Variants in C16orf92 observed in about 807,000 individuals in gnomAD.
The protein encoded by C16orf92 is fertilization-influencing membrane protein.
A neutral mutation model predicts 13.7 loss-of-function variants in C16orf92; 14 were observed. The ratio of observed to expected loss-of-function variants is 1.02; its 90% CI spans 0.67 to 1.60. The LOEUF (loss-of-function observed/expected upper bound fraction) is 1.60. C16orf92 is among the 40% of genes most tolerant of loss of function. The pLI is 0.00. For missense variants in C16orf92, 116 were observed against 139.0 expected (o/e 0.83, Z 0.83); for synonymous variants, 50 against 57.4 (o/e 0.87, Z 0.58).
At chr16:30,024,112 C>G in intron 3 of C16orf92, 26 bp downstream of exon 3, 1 of 1,609,190 alleles carries the variant, frequency 6.2e-7, no homozygotes, top group East Asian at 2.2e-5. Context: ...TTTCTCCAAC[C>G]CCACCCACCA....
chr16:30,026,804 G>A, downstream of C16orf92: 1 of 1,614,170 alleles, frequency 6.2e-7, no homozygotes, highest in Non-Finnish European at 8.5e-7. Context: ...AGATGAAGTA[G>A]GGCACAGCAA....
rs372283454 is a variant in C16orf92 at position 30,024,075 on chromosome 16, C to A, written c.300C>A (p.Phe100Leu). The A allele has an allele frequency of 1.5e-5, 25 of 1,613,358 alleles. No homozygotes were observed. In the East Asian group the frequency reaches 3.1e-4, roughly 20 times the overall value. The change falls in exon 3 of 4, where the codon TTC (phenylalanine) becomes TTA (leucine). Residue 100 changes from phenylalanine to leucine, a missense_variant. Transcript: ENST00000681219. ...VVAFFFLLFQFCTHINFQKGA is the reference protein window; with the variant it reads ...VVAFFFLLFQLCTHINFQKGA ...CGTTCTTCTTTCTCCTTTTCCAGTTCTGCACCCACATGTAAGGCCTGCCCC... is the reference window on the plus strand; with the variant it reads ...CGTTCTTCTTTCTCCTTTTCCAGTTATGCACCCACATGTAAGGCCTGCCCC...
downstream of C16orf92, chr16:30,026,734 C>T (rs2071158510): frequency 6.2e-7 from 1 of 1,614,028 alleles, no homozygotes; most frequent in Admixed American, 1.7e-5. Context: ...CCGTCGTCCC[C>T]TCCATGCCCT....
At position 30,023,710 on chromosome 16, in the gene C16orf92, G is replaced by A. The variant is rs770338889; in HGVS notation, c.65-17G>A. 8 of 1,614,128 alleles carry A rather than the reference G, an allele frequency of 5.0e-6. No individual in the cohort carries two copies. In the Middle Eastern group the frequency reaches 1.3e-3, roughly 266 times the overall value. ...GGGTCAGCTTGGCTGTTGTCACAGA[G>A]TTTGCTTGGGTCCTAGCACCCAGAC... On this transcript the variant is annotated splice_polypyrimidine_tract_variant and intron_variant, in intron 1 of 3. Transcript: ENST00000681219.
chr16:30,024,518 G>C lies in C16orf92; in HGVS notation c.*291G>C, dbSNP rs560979070. ...GATTGGAGGAAGCCTTGAGAGGTCA[G>C]TAGCACCAGGGACATGGCAGGGCCC... On this transcript the variant is annotated 3_prime_UTR_variant, in exon 4 of 4. Transcript: ENST00000681219. The C allele has an allele frequency of 2.0e-6, 1 of 503,816 alleles. No individual in the cohort carries two copies. Among genetic ancestry groups the C allele is most frequent in the East Asian group, 3.3e-5 (1 of 30,420 alleles). 31.2% of individuals were successfully genotyped at this position (503,816 alleles called of 1,614,324 possible).
chr16:30,024,352 C>A lies in C16orf92; in HGVS notation c.*125C>A. ...CAGCGAGCAGCTGGGGATCCTGTCC[C>A]CTCTGTTTCCCATGGCCCAAGCCCC... On this transcript the variant is annotated 3_prime_UTR_variant, in exon 4 of 4. Transcript: ENST00000681219. The A allele has an allele frequency of 7.6e-7, 1 of 1,312,586 alleles. No individual in the cohort carries two copies. The highest frequency in any genetic ancestry group is 2.5e-5 in the East Asian group (1 of 40,378). The allele number at this position is 1,312,586 out of a possible 1,614,324, so 81.3% of individuals were successfully genotyped here. A position where few individuals can be genotyped will look rare whatever the true frequency, so the allele number is the denominator to read the frequency against.
chr16:30,025,338 G>A, downstream of C16orf92: 1 of 1,583,772 alleles, frequency 6.3e-7, no homozygotes, highest in Non-Finnish European at 8.6e-7. The surrounding 1 kb of genome is among the most constrained non-coding windows in gnomAD (Gnocchi z 4.1). Context: ...GGCACGGCCA[G>A]CAGGGGCAGG....
At chr16:30,025,145 G>A (rs1473734792), downstream of C16orf92, 4 of 1,295,194 alleles carry the variant, frequency 3.1e-6, no homozygotes, top group Admixed American at 3.0e-5. The surrounding 1 kb of genome is among the most constrained non-coding windows in gnomAD (Gnocchi z 4.1). Flanking sequence ...TCTCCACGGG[G>A]GTGGGGGTGG....
chr16:30,025,032 C>G (rs2071039916), downstream of C16orf92: 3 of 575,566 alleles, frequency 5.2e-6, no homozygotes, highest in East Asian at 3.1e-5. The surrounding 1 kb of genome is among the most constrained non-coding windows in gnomAD (Gnocchi z 4.1). Context: ...CCTCAGTCCC[C>G]GAGAGATGGG....
chr16:30,026,700 G>A (rs532025183), downstream of C16orf92: 105 of 1,613,962 alleles, frequency 6.5e-5, 1 homozygote, highest in Middle Eastern at 4.9e-4. Context: ...TATGGCCCAC[G>A]TGCTGCCCGG....
chr16:30,024,278 T>A lies in C16orf92; in HGVS notation c.*51T>A, dbSNP rs755461422. The A allele has an allele frequency of 6.3e-7, 1 of 1,593,398 alleles. No individual in the cohort carries two copies. Among genetic ancestry groups the A allele is most frequent in the Non-Finnish European group, 8.6e-7 (1 of 1,163,102 alleles). ...AACCTGAGCACCCACACCCACCTCC[T>A]CTCCTGTTGATGAGCAAAAGTTCCC... On this transcript the variant is annotated 3_prime_UTR_variant, in exon 4 of 4. Coordinates refer to ENST00000681219, the MANE Select transcript of C16orf92 (RefSeq NM_001109659.2).
At chr16:30,025,407 G>A (rs752965771), downstream of C16orf92, 24 of 1,611,960 alleles carry the variant, frequency 1.5e-5, no homozygotes, top group South Asian at 2.5e-4. This position sits in a 1 kb window ranked among gnomAD's most constrained non-coding sequence, Gnocchi z 4.1. Flanking sequence ...CGGCAGCAGA[G>A]GAAGCTGAGC....
At chr16:30,025,163 G>T (rs1268721038), downstream of C16orf92, 27 of 1,407,240 alleles carry the variant, frequency 1.9e-5, no homozygotes, top group South Asian at 2.6e-4. This position sits in a 1 kb window ranked among gnomAD's most constrained non-coding sequence, Gnocchi z 4.1. Context: ...TGGGGAGGGG[G>T]AGGGTCCCGG....
At chr16:30,026,903 G>T, downstream of C16orf92, 1 of 1,449,684 alleles carries the variant, frequency 6.9e-7, no homozygotes, top group Non-Finnish European at 9.6e-7. Flanking sequence ...AGTGATTGGG[G>T]TCAGATCTCA....
chr16:30,026,632 G>C (rs144812777), downstream of C16orf92: 5 of 1,613,140 alleles, frequency 3.1e-6, no homozygotes, highest in Admixed American at 3.3e-5. Context: ...AAGCACACCA[G>C]CACCATGGCG....
chr16:30,024,355 C>CT lies in C16orf92; in HGVS notation c.*129dup, dbSNP rs1471763660. On this transcript the variant is annotated 3_prime_UTR_variant, in exon 4 of 4. Coordinates refer to ENST00000681219, the MANE Select transcript of C16orf92 (RefSeq NM_001109659.2). ...CGAGCAGCTGGGGATCCTGTCCCCT[C>CT]TGTTTCCCATGGCCCAAGCCCCCCA... 2.3e-6 allele frequency: 3 copies of CT among 1,299,856 alleles called. No homozygotes were observed. Among genetic ancestry groups the CT allele is most frequent in the Admixed American group, 4.8e-5 (2 of 41,620 alleles). The allele number at this position is 1,299,856 out of a possible 1,614,324, so 80.5% of individuals were successfully genotyped here.
In C16orf92 at chr16:30,024,365, T is replaced by G; in HGVS notation, c.*138T>G. 8.2e-7 allele frequency: 1 copy of G among 1,224,802 alleles called. No individual in the cohort carries two copies. Among genetic ancestry groups the G allele is most frequent in the Non-Finnish European group, 1.1e-6 (1 of 886,304 alleles). The allele number at this position is 1,224,802 out of a possible 1,614,324, so 75.9% of individuals were successfully genotyped here. A position where few individuals can be genotyped will look rare whatever the true frequency, so the allele number is the denominator to read the frequency against. On this transcript the variant is annotated 3_prime_UTR_variant, in exon 4 of 4. Transcript: ENST00000681219. ...GGGATCCTGTCCCCTCTGTTTCCCA[T>G]GGCCCAAGCCCCCCACCTCCTCCCT... is the stretch of plus-strand genomic sequence containing the variant.
chr16:30,024,284 G>A lies in C16orf92; in HGVS notation c.*57G>A. On this transcript the variant is annotated 3_prime_UTR_variant, in exon 4 of 4. Transcript: ENST00000681219. ...AGCACCCACACCCACCTCCTCTCCTGTTGATGAGCAAAAGTTCCCTGCTTT... is the reference window on the plus strand; with the variant it reads ...AGCACCCACACCCACCTCCTCTCCTATTGATGAGCAAAAGTTCCCTGCTTT... The A allele has an allele frequency of 6.3e-7, 1 of 1,581,520 alleles. No individual in the cohort carries two copies. The highest frequency in any genetic ancestry group is 8.7e-7 in the Non-Finnish European group (1 of 1,153,278).
downstream of C16orf92, among the ~76,000 whole-genome samples, chr16:30,026,363 C>A (rs752502150): frequency 6.6e-6 from 1 of 152,158 alleles, no homozygotes; most frequent in African/African-American, 2.4e-5. Flanking sequence ...GGCTCAGAGA[C>A]GTGCAACCAC....
Sources: allele counts gnomAD v4.1 joint callset (sites outside exome capture counted in the v4.1 genomes callset), GRCh38; gene constraint gnomAD v4.1.1; non-coding constraint Gnocchi (gnomAD v3.1); transcripts MANE v1.5; gene names NCBI Gene and HGNC (gene_info 2026-07-23, HGNC 2026-07-21).